MMAA: variants seen among roughly 807,000 people sequenced by gnomAD.
MMAA encodes the protein metabolism of cobalamin associated A, also known as methylmalonic aciduria type A protein, mitochondrial.
Under a neutral mutation model 45.0 loss-of-function variants are expected in MMAA, and 41 were observed. The observed-to-expected ratio is 0.91, with a 90% CI of 0.71 to 1.18. The LOEUF is 1.18. Ranked by LOEUF, MMAA falls within the 50% of genes most tolerant of loss-of-function variation. The pLI is 0.00. For missense variants in MMAA, 460 were observed against 495.7 expected (o/e 0.93, Z 0.68); for synonymous variants, 154 against 178.2 (o/e 0.86, Z 1.08).
chr4:145,626,510 A>G (rs1016622783), intron 1 of MMAA, among the ~76,000 whole-genome samples: 1 of 152,256 alleles, frequency 6.6e-6, no homozygotes, highest in Non-Finnish European at 1.5e-5. Context: ...TAGCACTCGA[A>G]ATAGAAACTA....
At chr4:145,625,427 C>T (rs1734180239) in intron 1 of MMAA, 2 of 707,086 alleles carry the variant, frequency 2.8e-6, no homozygotes, top group Non-Finnish European at 5.4e-6. Flanking sequence ...TCCAAGGAGC[C>T]ATTTGCTGAG....
chr4:145,637,857 T>C (rs1468066637), intron 1 of MMAA, among the ~76,000 whole-genome samples: 2 of 152,218 alleles, frequency 1.3e-5, no homozygotes, highest in African/African-American at 4.8e-5. Flanking sequence ...GTCATTTTGC[T>C]CTCACAACCA....
rs1163416536 is a variant in MMAA at position 145,657,490 on chromosome 4, A to G, written c.*2056A>G. 2 of 152,144 alleles carry G rather than the reference A, an allele frequency of 1.3e-5. No homozygotes were observed. The highest frequency in any genetic ancestry group is 2.9e-5 in the Non-Finnish European group (2 of 68,028). The allele number at this position is 152,144 out of a possible 1,614,324, so 9.4% of individuals were successfully genotyped here. On this transcript the variant is annotated 3_prime_UTR_variant, in exon 7 of 7. Transcript: ENST00000649156. The stretch of plus-strand genomic sequence containing the variant: ...TTGACTTAGATACATGTGGGGGCAG[A>G]TCTCAGCTCTATCACTAACTAGCTA...
chr4:145,651,418 T>C (rs1169577060), intron 5 of MMAA, among the ~76,000 whole-genome samples: 1 of 152,200 alleles, frequency 6.6e-6, no homozygotes, highest in African/African-American at 2.4e-5. Flanking sequence ...CTCCAGCCAG[T>C]AGAGACCATT....
At chr4:145,640,080 A>G (rs1727737818) in intron 2 of MMAA, among the ~76,000 whole-genome samples, 1 of 151,900 alleles carries the variant, frequency 6.6e-6, no homozygotes, top group Admixed American at 6.6e-5. Context: ...TCAATACCAA[A>G]ATGTATTTTA....
At chr4:145,624,619 C>T (rs1451410135) in intron 1 of MMAA, 1 of 1,374,540 alleles carries the variant, frequency 7.3e-7, no homozygotes, top group Admixed American at 2.0e-5. Context: ...AGTTCTATTA[C>T]TTCTTTACTA....
chr4:145,647,722 T>G (rs1189258392), intron 4 of MMAA, among the ~76,000 whole-genome samples: 1 of 152,224 alleles, frequency 6.6e-6, no homozygotes, highest in Admixed American at 6.5e-5. Context: ...TCCTGTCCTT[T>G]TGAGGGCACT....
chr4:145,626,429 G>A (rs756896949), intron 1 of MMAA, among the ~76,000 whole-genome samples: 3 of 152,082 alleles, frequency 2.0e-5, no homozygotes, highest in Non-Finnish European at 4.4e-5. Flanking sequence ...ATTATTGTCC[G>A]TGGAGCAAAA....
At position 145,656,297 on chromosome 4, in the gene MMAA, G is replaced by A. The variant is rs555681986; in HGVS notation, c.*863G>A. The stretch of plus-strand genomic sequence containing the variant: ...ACAAGTTTTGTCCTATGCTATGGAG[G>A]AGGCATAGCACAGTGATTAAGAGCT... On this transcript the variant is annotated 3_prime_UTR_variant, in exon 7 of 7. Transcript: ENST00000649156. 11 of 152,216 alleles carry A rather than the reference G, an allele frequency of 7.2e-5. No individual in the cohort carries two copies. The highest frequency in any genetic ancestry group is 2.6e-4 in the African/African-American group (11 of 41,546). 9.4% of individuals were successfully genotyped at this position (152,216 alleles called of 1,614,324 possible).
At position 145,651,042 on chromosome 4, in the gene MMAA, G is replaced by C; in HGVS notation, c.734-20G>C. Reference sequence around the variant, plus strand: ...ATAATGGTGAGTATTTTAGGATATAGTTGTGATTTACAATTTCAGGTGTGG... The same window carrying C: ...ATAATGGTGAGTATTTTAGGATATACTTGTGATTTACAATTTCAGGTGTGG... On this transcript the variant is annotated intron_variant, in intron 4 of 6. Coordinates refer to ENST00000649156, the MANE Select transcript of MMAA (RefSeq NM_172250.3). 6.2e-7 allele frequency: 1 copy of C among 1,609,054 alleles called. No homozygotes were observed. Among genetic ancestry groups the C allele is most frequent in the Non-Finnish European group, 8.5e-7 (1 of 1,175,304 alleles).
chr4:145,626,379 A>G (rs1399136244), intron 1 of MMAA, among the ~76,000 whole-genome samples: 1 of 152,166 alleles, frequency 6.6e-6, no homozygotes, highest in Non-Finnish European at 1.5e-5. Flanking sequence ...AGATAAATTC[A>G]TGGGGTTAAA....
chr4:145,652,237 G>T (rs1353701686), intron 5 of MMAA, among the ~76,000 whole-genome samples: 2 of 152,126 alleles, frequency 1.3e-5, no homozygotes, highest in African/African-American at 2.4e-5. Flanking sequence ...AGGCTCCCCT[G>T]AGCTTTAGTG....
At chr4:145,646,739 C>A (rs1031600077) in intron 4 of MMAA, 1 of 153,956 alleles carries the variant, frequency 6.5e-6, no homozygotes, top group Admixed American at 6.4e-5. Flanking sequence ...AACTCAGTTT[C>A]GAAGGAAGAA....
chr4:145,655,011 C>A, intron 6 of MMAA, 136 bp from the exon 7 acceptor site: 1 of 878,000 alleles, frequency 1.1e-6, no homozygotes, highest in Non-Finnish European at 1.8e-6. Context: ...TTTACTTTGA[C>A]ACAGCAATAA....
rs1382532352 is a variant in MMAA, at chr4:145,647,095, A to G, written c.733+939A>G. 2.6e-5 allele frequency among the ~76,000 whole-genome samples: 4 copies of G among 152,232 alleles called. No homozygotes were observed. The East Asian group carries it at 7.7e-4, about 29-fold the overall frequency. On this transcript the variant is annotated intron_variant, in intron 4 of 6. Transcript: ENST00000649156. ...TAGAATAGAATCAGGAGACCACTGT[A>G]CTAATCCCAGAAGGAGATGGTGGAG...
chr4:145,652,599 A>G (rs146109770), intron 5 of MMAA, among the ~76,000 whole-genome samples: 1,925 of 151,988 alleles, frequency 0.013, 19 homozygotes, highest in Middle Eastern at 0.044. Flanking sequence ...GCATGGTGGC[A>G]GGCGCCTGTA....
intron 1 of MMAA, among the ~76,000 whole-genome samples, chr4:145,634,520 C>T (rs922739635): frequency 2.6e-5 from 4 of 151,914 alleles, no homozygotes; most frequent in African/African-American, 7.3e-5. Context: ...AGGCCTGGAA[C>T]TGGGGACCCG....
intron 3 of MMAA, 32 bp from the exon 4 acceptor site, chr4:145,645,954 C>G (rs756944341): frequency 5.6e-6 from 9 of 1,609,630 alleles, no homozygotes; most frequent in Non-Finnish European, 6.8e-6. Flanking sequence ...TAAAACTGTT[C>G]CATGATTATA....
chr4:145,649,572 C>T (rs1264631461), intron 4 of MMAA, among the ~76,000 whole-genome samples: 1 of 152,150 alleles, frequency 6.6e-6, no homozygotes, highest in Non-Finnish European at 1.5e-5. Flanking sequence ...AAAAACTTTT[C>T]TGGGAACCCC....
Sources: gnomAD v4.1 joint callset for allele counts (sites outside exome capture counted in the v4.1 genomes callset) on GRCh38, gnomAD v4.1.1 for gene constraint, MANE v1.5 for transcripts, NCBI Gene and HGNC (gene_info 2026-07-23, HGNC 2026-07-21) for gene names.